The following CR1 variants were observed in gnomAD, a reference collection of about 807,000 sequenced individuals.
The protein encoded by CR1 is complement C3b/C4b receptor 1 (Knops blood group).
In CR1, 116 loss-of-function variants were observed where a neutral mutation model predicts 187.3. The ratio of observed to expected loss-of-function variants is 0.62; its 90% CI spans 0.53 to 0.72. CR1 has a LOEUF of 0.72. Among genes scored for constraint, CR1 ranks in the 30% least tolerant of loss-of-function variants. CR1 has a pLI of 0.00. For missense variants in CR1, 1,731 were observed against 2,110.7 expected (o/e 0.82, Z 3.52); for synonymous variants, 576 against 747.1 (o/e 0.77, Z 3.73).
At chr1:207,624,825 T>C (rs897433828) in intron 45 of CR1, among the ~76,000 whole-genome samples, 2 of 152,312 alleles carry the variant, frequency 1.3e-5, no homozygotes, top group South Asian at 4.1e-4. Flanking sequence ...GTTAATTTTT[T>C]AAAAAATTAC....
chr1:207,577,129 T>A (rs965498043), intron 28 of CR1, among the ~76,000 whole-genome samples: 17 of 151,972 alleles, frequency 1.1e-4, no homozygotes, highest in Non-Finnish European at 2.2e-4. Context: ...CGCATGCCTG[T>A]AATCCCAGCT....
chr1:207,505,820 A>G, intron 1 of CR1, 84 bp from the exon 2 acceptor site: 1 of 1,462,812 alleles, frequency 6.8e-7, no homozygotes, highest in Non-Finnish European at 9.3e-7. Context: ...TGGGTGATGG[A>G]GCCAGTCTCC....
chr1:207,567,203 G>A lies in CR1; in HGVS notation c.3953-621G>A, dbSNP rs940295779. On this transcript the variant is annotated intron_variant, in intron 24 of 46. Transcript: ENST00000367049. ...AAACCTGACCCAGAGAGTAAAAAGA[G>A]AAAATAAATCATCAACAGACCTAGA... Among the ~76,000 whole-genome samples, 4 of 148,272 alleles carry A rather than the reference G, an allele frequency of 2.7e-5. 1 individual carries two copies. The highest frequency in any genetic ancestry group is 1.0e-4 in the African/African-American group (4 of 39,140).
chr1:207,619,887 T>C lies in CR1; in HGVS notation c.7074T>C (p.Asn2358=), dbSNP rs1443438644. 6.3e-7 allele frequency: 1 copy of C among 1,580,314 alleles called. No homozygotes were observed. Among genetic ancestry groups the C allele is most frequent in the Admixed American group, 1.8e-5 (1 of 54,166 alleles). Residue 2358 remains asparagine, a synonymous_variant, in exon 43 of 47, where the codon AAT becomes AAC. Coordinates refer to ENST00000367049, the MANE Select transcript of CR1 (RefSeq NM_000651.6). ...SQLDHYCKEV[N]CSFPLFMNGI... The stretch of plus-strand genomic sequence containing the variant: ...TGATTTGTCTAATTTCAGAAGTAAA[T>C]TGTAGCTTCCCACTGTTTATGAATG...
chr1:207,501,916 G>A (rs1447146283), intron 1 of CR1, among the ~76,000 whole-genome samples: 3 of 140,618 alleles, frequency 2.1e-5, no homozygotes, highest in Non-Finnish European at 4.4e-5. Context: ...GTTTTACTCA[G>A]TGTTTTTTTT....
chr1:207,511,912 G>T (rs904986781), intron 4 of CR1, among the ~76,000 whole-genome samples: 10 of 151,988 alleles, frequency 6.6e-5, no homozygotes, highest in African/African-American at 2.4e-4. Context: ...TTCAATAAAC[G>T]TGAAATTATG....
chr1:207,611,590 G>C, intron 37 of CR1, 87 bp from the exon 38 acceptor site: 1 of 1,548,690 alleles, frequency 6.5e-7, no homozygotes, highest in Non-Finnish European at 8.7e-7. Context: ...CTGCAATGAC[G>C]ATTTTTAAGC....
intron 46 of CR1, among the ~76,000 whole-genome samples, chr1:207,632,711 T>C (rs1662683055): frequency 7.1e-6 from 1 of 140,946 alleles, no homozygotes; most frequent in Middle Eastern, 3.8e-3. Flanking sequence ...GGCAGGAGAA[T>C]GGCGTGAGCC....
At chr1:207,614,678 C>T (rs925930845) in intron 40 of CR1, among the ~76,000 whole-genome samples, 189 bp downstream of exon 40, 1 of 152,098 alleles carries the variant, frequency 6.6e-6, no homozygotes, top group Admixed American at 6.6e-5. Flanking sequence ...TGTTACTAAT[C>T]TGCAAATCAC....
intron 4 of CR1, among the ~76,000 whole-genome samples, chr1:207,518,715 C>T (rs1384841694): frequency 6.6e-6 from 1 of 152,164 alleles, no homozygotes; most frequent in African/African-American, 2.4e-5. Context: ...TCGCCTTCTC[C>T]TCTGTGTGTG....
At chr1:207,613,567 C>T (rs1662004876) in intron 39 of CR1, among the ~76,000 whole-genome samples, 1 of 151,936 alleles carries the variant, frequency 6.6e-6, no homozygotes, top group South Asian at 2.1e-4. Context: ...GGATCTGCCC[C>T]ATCTGCCTAG....
chr1:207,596,081 A>G (rs542914044), intron 35 of CR1, among the ~76,000 whole-genome samples: 1 of 148,518 alleles, frequency 6.7e-6, no homozygotes, highest in Admixed American at 6.8e-5. Flanking sequence ...ATATCTATAT[A>G]TATATATATA....
At chr1:207,609,789 C>T (rs1189935371) in intron 37 of CR1, 101 bp downstream of exon 37, 2 of 1,240,812 alleles carry the variant, frequency 1.6e-6, no homozygotes, top group Non-Finnish European at 2.1e-6. Flanking sequence ...ATGAAATTGG[C>T]ATAAACATAA....
chr1:207,579,057 A>C (rs1365257304), intron 29 of CR1, among the ~76,000 whole-genome samples: 2 of 152,228 alleles, frequency 1.3e-5, no homozygotes, highest in Non-Finnish European at 2.9e-5. Flanking sequence ...TTCTAAATTC[A>C]TGTTTAATGA....
At position 207,496,281 on chromosome 1, in the gene CR1, C is replaced by G; in HGVS notation, c.14C>G (p.Ser5Cys). The change falls in exon 1 of 47, where the codon TCT (serine) becomes TGT (cysteine). Residue 5 changes from serine to cysteine, a missense_variant. Ser to Cys is a moderately radical substitution (Grantham distance 112). Transcript: ENST00000367049. MGASSPRSPEPVGPP... is the reference protein window; with the variant it reads MGASCPRSPEPVGPP... The stretch of plus-strand genomic sequence containing the variant: ...TGCTTGGGGAGAATGGGGGCCTCTT[C>G]TCCAAGAAGCCCGGAGCCTGTCGGG... 1 of 1,613,828 alleles carries G rather than the reference C, an allele frequency of 6.2e-7. No homozygotes were observed. Among genetic ancestry groups the G allele is most frequent in the South Asian group, 1.1e-5 (1 of 91,068 alleles).
chr1:207,629,337 C>G (rs112643564), intron 45 of CR1, among the ~76,000 whole-genome samples: 2 of 152,128 alleles, frequency 1.3e-5, no homozygotes, highest in Admixed American at 6.5e-5. Context: ...CCAAATAGCT[C>G]TTCATTCAAC....
intron 37 of CR1, among the ~76,000 whole-genome samples, chr1:207,610,730 A>G (rs1182400519): frequency 6.6e-6 from 1 of 152,088 alleles, no homozygotes; most frequent in African/African-American, 2.4e-5. Context: ...ATGTTCTATC[A>G]CTAAAAAGTC....
intron 46 of CR1, among the ~76,000 whole-genome samples, chr1:207,632,514 C>T (rs1386372349): frequency 6.6e-6 from 1 of 152,110 alleles, no homozygotes; most frequent in Non-Finnish European, 1.5e-5. Flanking sequence ...GACGGCTGGG[C>T]GCTGTGGCTC....
intron 32 of CR1, among the ~76,000 whole-genome samples, chr1:207,584,222 G>A (rs1016078997): frequency 3.3e-5 from 5 of 152,028 alleles, no homozygotes; most frequent in South Asian, 2.1e-4. Flanking sequence ...TTAGAAAGAT[G>A]TCTCTAGGAT....
Sources: gnomAD v4.1 joint callset for allele counts (sites outside exome capture counted in the v4.1 genomes callset) on GRCh38, gnomAD v4.1.1 for gene constraint, MANE v1.5 for transcripts, NCBI Gene and HGNC (gene_info 2026-07-23, HGNC 2026-07-21) for gene names.